Variants in TACR3 observed in about 807,000 individuals in gnomAD.
The protein encoded by TACR3 is tachykinin receptor 3.
In TACR3, 34 loss-of-function variants were observed where a neutral mutation model predicts 35.0. That is an observed-to-expected ratio of 0.97 (90% CI 0.74 to 1.30). The LOEUF (loss-of-function observed/expected upper bound fraction) is 1.30, where lower values mean the gene tolerates loss of function less well. Ranked by LOEUF, TACR3 falls within the 50% of genes most tolerant of loss-of-function variation. The pLI, the probability that TACR3 is intolerant of heterozygous loss-of-function variation, is 0.00. For synonymous variants in TACR3, 233 were observed against 221.1 expected (o/e 1.05, Z -0.48); for missense variants, 558 against 591.7 (o/e 0.94, Z 0.59).
chr4:103,718,505 C>T (rs1322481176), intron 1 of TACR3, among the ~76,000 whole-genome samples: 1 of 152,192 alleles, frequency 6.6e-6, no homozygotes, highest in African/African-American at 2.4e-5. Context: ...CTGCAGATTA[C>T]TGGAAATTAA....
chr4:103,708,642 C>T (rs1311117440), intron 1 of TACR3, among the ~76,000 whole-genome samples: 1 of 152,176 alleles, frequency 6.6e-6, no homozygotes, highest in Non-Finnish European at 1.5e-5. Flanking sequence ...AGCAATGGAA[C>T]AAAGCTGGAT....
chr4:103,595,738 A>G (rs78071333), intron 3 of TACR3, among the ~76,000 whole-genome samples: 5,263 of 151,888 alleles, frequency 0.035, 333 homozygotes, highest in African/African-American at 0.12. Context: ...TGGCAATATT[A>G]TCTTCTAATT....
intron 1 of TACR3, among the ~76,000 whole-genome samples, chr4:103,661,546 A>G (rs752796528): frequency 1.1e-4 from 16 of 152,168 alleles, no homozygotes; most frequent in Admixed American, 2.0e-4. Context: ...GAGAAGTGGA[A>G]TAACACAAGC....
chr4:103,687,735 A>G (rs902814228), intron 1 of TACR3, among the ~76,000 whole-genome samples: 3 of 152,180 alleles, frequency 2.0e-5, no homozygotes, highest in Admixed American at 6.5e-5. Context: ...CCACTCCTCA[A>G]TGAAATAAAA....
intron 3 of TACR3, among the ~76,000 whole-genome samples, chr4:103,611,773 A>G (rs140419253): frequency 1.6e-4 from 25 of 152,256 alleles, no homozygotes; most frequent in African/African-American, 5.8e-4. Flanking sequence ...GTGAACATCC[A>G]CACCTCAGTA....
intron 3 of TACR3, among the ~76,000 whole-genome samples, chr4:103,605,125 A>G (rs1422896622): frequency 5.3e-5 from 8 of 150,260 alleles, no homozygotes; most frequent in African/African-American, 7.4e-5. Flanking sequence ...ATGATTTCCA[A>G]TTTCATCCAT....
At chr4:103,614,206 AAAAC>A (rs1436322410) in intron 3 of TACR3, among the ~76,000 whole-genome samples, 4 of 152,346 alleles carry the variant, frequency 2.6e-5, no homozygotes, top group African/African-American at 9.6e-5. Flanking sequence ...CAGTACAACT[AAAAC>A]AAATATCAAG....
intron 1 of TACR3, among the ~76,000 whole-genome samples, chr4:103,718,885 C>T (rs150915487): frequency 3.3e-5 from 5 of 152,004 alleles, no homozygotes; most frequent in African/African-American, 1.2e-4. Context: ...TTCTTCAGTC[C>T]CTCTAGATAT....
intron 3 of TACR3, among the ~76,000 whole-genome samples, chr4:103,642,741 T>C (rs1725383112): frequency 6.6e-6 from 1 of 151,788 alleles, no homozygotes; most frequent in Non-Finnish European, 1.5e-5. Context: ...TTCCAGTGTT[T>C]AATAACAGTA....
At chr4:103,604,991 C>T (rs1281039931) in intron 3 of TACR3, among the ~76,000 whole-genome samples, 1 of 133,410 alleles carries the variant, frequency 7.5e-6, no homozygotes, top group Non-Finnish European at 1.6e-5. Flanking sequence ...TCCCCCCACC[C>T]CACAACAGTC....
intron 3 of TACR3, among the ~76,000 whole-genome samples, chr4:103,629,872 C>CAAACAAAA (rs1553969638): frequency 9.1e-4 from 95 of 104,020 alleles, no homozygotes; most frequent in Non-Finnish European, 1.2e-3. Flanking sequence ...AAAAAAAAAA[C>CAAACAAAA]AAAAAAAACA....
At chr4:103,605,642 G>T (rs1396377367) in intron 3 of TACR3, among the ~76,000 whole-genome samples, 1 of 152,082 alleles carries the variant, frequency 6.6e-6, no homozygotes, top group Non-Finnish European at 1.5e-5. Context: ...AGAAGTGTCT[G>T]TTCATGTCCT....
At chr4:103,606,736 T>C (rs1005199883) in intron 3 of TACR3, among the ~76,000 whole-genome samples, 10 of 151,950 alleles carry the variant, frequency 6.6e-5, no homozygotes. Context: ...GACAGTGGGG[T>C]TTTCTAGATA....
At chr4:103,686,693 G>C (rs1342578146) in intron 1 of TACR3, among the ~76,000 whole-genome samples, 1 of 152,144 alleles carries the variant, frequency 6.6e-6, no homozygotes, top group Non-Finnish European at 1.5e-5. Flanking sequence ...AATTATTTTT[G>C]AGAGGTCCTA....
chr4:103,662,407 G>A (rs1207439282), intron 1 of TACR3, among the ~76,000 whole-genome samples: 1 of 152,030 alleles, frequency 6.6e-6, no homozygotes, highest in African/African-American at 2.4e-5. Flanking sequence ...TTTTAGTAGA[G>A]AGGGGGTTTC....
At chr4:103,647,771 G>A (rs773577546) in intron 3 of TACR3, among the ~76,000 whole-genome samples, 1 of 151,794 alleles carries the variant, frequency 6.6e-6, no homozygotes, top group Non-Finnish European at 1.5e-5. Context: ...ATTTCTCAAG[G>A]GTAATATTCA....
At chr4:103,717,454 T>G (rs1723114181) in intron 1 of TACR3, among the ~76,000 whole-genome samples, 1 of 152,140 alleles carries the variant, frequency 6.6e-6, no homozygotes, top group African/African-American at 2.4e-5. Flanking sequence ...TAGCACTAAA[T>G]GATTATTTAA....
chr4:103,670,214 A>G lies in TACR3; in HGVS notation c.549-11811T>C, dbSNP rs548472383. On this transcript the variant is annotated intron_variant, in intron 1 of 4. Coordinates refer to ENST00000304883, the MANE Select transcript of TACR3 (RefSeq NM_001059.3). ...ATGTGTCTGTTCTTATGACAGCACA[A>G]TACTGTTTTGGTAACTATAAATTTG... Among the ~76,000 whole-genome samples the G allele has an allele frequency of 2.6e-5, 4 of 152,212 alleles. No homozygotes were observed. In the South Asian group the frequency reaches 8.3e-4, roughly 32 times the overall value.
intron 3 of TACR3, among the ~76,000 whole-genome samples, chr4:103,609,034 A>G (rs1724451958): frequency 6.6e-6 from 1 of 152,132 alleles, no homozygotes; most frequent in Admixed American, 6.6e-5. Flanking sequence ...TCTTCCCTAA[A>G]TCATACATAT....
Sources: gnomAD v4.1 joint callset for allele counts (sites outside exome capture counted in the v4.1 genomes callset) on GRCh38, gnomAD v4.1.1 for gene constraint, MANE v1.5 for transcripts, NCBI Gene and HGNC (gene_info 2026-07-23, HGNC 2026-07-21) for gene names.